Variants in TANGO6 observed in about 807,000 individuals in gnomAD.
TANGO6 encodes the protein transport and Golgi organization protein 6 homolog.
Under a neutral mutation model 114.2 loss-of-function variants are expected in TANGO6, and 90 were observed. The observed-to-expected ratio is 0.79, with a 90% CI of 0.66 to 0.94. The LOEUF (loss-of-function observed/expected upper bound fraction) is 0.94, where lower values mean the gene tolerates loss of function less well. Among genes scored for constraint, TANGO6 ranks in the 40% least tolerant of loss-of-function variants. The probability of loss-of-function intolerance (pLI) is 0.00; values close to 1 mark genes in which losing one functional copy is unlikely to be tolerated. For missense variants in TANGO6, 1,274 were observed against 1,315.3 expected (o/e 0.97, Z 0.49); for synonymous variants, 477 against 509.8 (o/e 0.94, Z 0.87).
chr16:69,063,319 T>G (rs1455150429), intron 17 of TANGO6, among the ~76,000 whole-genome samples: 4 of 147,084 alleles, frequency 2.7e-5, no homozygotes, highest in Admixed American at 6.7e-5. Context: ...AGGTCAGGAG[T>G]CAAGACCATC....
At chr16:69,047,791 A>C (rs1959886120) in intron 17 of TANGO6, among the ~76,000 whole-genome samples, 1 of 152,208 alleles carries the variant, frequency 6.6e-6, no homozygotes, top group Non-Finnish European at 1.5e-5. Context: ...ACATGGATTT[A>C]TAGTGGCTAA....
chr16:68,874,108 C>T (rs1397147289), intron 4 of TANGO6, among the ~76,000 whole-genome samples: 1 of 152,158 alleles, frequency 6.6e-6, no homozygotes, highest in Non-Finnish European at 1.5e-5. Context: ...TGGTATTTTC[C>T]TCACACATAC....
At chr16:68,895,980 ACTCTGTCACCCAGGCTGGAGTG>A in intron 7 of TANGO6, among the ~76,000 whole-genome samples, 1 of 150,298 alleles carries the variant, frequency 6.7e-6, no homozygotes, top group South Asian at 2.1e-4. Context: ...ACAGTGTCTC[ACTCTGTCACCCAGGCTGGAGTG>A]TCTCACTCTG....
chr16:68,967,794 G>A (rs1279623024), intron 14 of TANGO6, among the ~76,000 whole-genome samples: 1 of 152,142 alleles, frequency 6.6e-6, no homozygotes, highest in Admixed American at 6.5e-5. Context: ...GGTAGGAATG[G>A]CTTAGCAGTT....
chr16:68,953,396 T>C (rs935943902), intron 14 of TANGO6, among the ~76,000 whole-genome samples: 26 of 152,176 alleles, frequency 1.7e-4, no homozygotes, highest in Non-Finnish European at 3.2e-4. Context: ...CAGATATTTA[T>C]TGAGCACTGC....
At chr16:69,001,939 A>C (rs1964048280) in intron 15 of TANGO6, among the ~76,000 whole-genome samples, 1 of 152,182 alleles carries the variant, frequency 6.6e-6, no homozygotes, top group Non-Finnish European at 1.5e-5. Flanking sequence ...TGTCCTACCT[A>C]GCTGTTATAC....
chr16:68,869,708 A>G (rs905667945), intron 4 of TANGO6, among the ~76,000 whole-genome samples: 1 of 152,164 alleles, frequency 6.6e-6, no homozygotes, highest in African/African-American at 2.4e-5. Flanking sequence ...TTACTGCAAC[A>G]ACTTACCACA....
intron 1 of TANGO6, among the ~76,000 whole-genome samples, chr16:68,848,936 T>C (rs1267342872): frequency 6.6e-6 from 1 of 152,070 alleles, no homozygotes; most frequent in Non-Finnish European, 1.5e-5. Flanking sequence ...GCAGAAGATA[T>C]CCCAGGCTCA....
chr16:68,899,554 A>G (rs1962756214), intron 7 of TANGO6, among the ~76,000 whole-genome samples: 1 of 151,380 alleles, frequency 6.6e-6, no homozygotes, highest in South Asian at 2.1e-4. Flanking sequence ...ACATCCTCAC[A>G]CACTTAACCA....
At position 68,885,776 on chromosome 16, in the gene TANGO6, T is replaced by C. The variant is rs1309341130; in HGVS notation, c.1377+5146T>C. On this transcript the variant is annotated intron_variant, in intron 7 of 17. Transcript: ENST00000261778. ...ATATGGATATACCACATTTTACTTA[T>C]CTGTTCATCTGTTGATGGATATTTG... 5.9e-5 allele frequency: 9 copies of C among 152,372 alleles called. 1 individual carries two copies. Among genetic ancestry groups the C allele is most frequent in the Admixed American group, 5.2e-4 (8 of 15,300 alleles). The allele number at this position is 152,372 out of a possible 1,614,324, so 9.4% of individuals were successfully genotyped here.
intron 7 of TANGO6, among the ~76,000 whole-genome samples, chr16:68,881,562 T>C (rs1292994476): frequency 6.6e-6 from 1 of 152,140 alleles, no homozygotes; most frequent in Non-Finnish European, 1.5e-5. Flanking sequence ...TTCAATACTA[T>C]AGTCTTCCTA....
chr16:68,990,593 G>T (rs1217044599), intron 15 of TANGO6, among the ~76,000 whole-genome samples: 3 of 152,056 alleles, frequency 2.0e-5, no homozygotes, highest in African/African-American at 7.2e-5. Flanking sequence ...ATTTCGTAGA[G>T]ACAGGGTCTC....
chr16:68,857,770 A>G (rs974573578), intron 1 of TANGO6, among the ~76,000 whole-genome samples: 1 of 152,142 alleles, frequency 6.6e-6, no homozygotes, highest in African/African-American at 2.4e-5. Context: ...CTAATGACAT[A>G]TGATATTGGG....
At chr16:69,002,591 T>C (rs1356136799) in intron 15 of TANGO6, among the ~76,000 whole-genome samples, 1 of 152,158 alleles carries the variant, frequency 6.6e-6, no homozygotes, top group Non-Finnish European at 1.5e-5. Flanking sequence ...TCCACCATGA[T>C]TGTAAGTTTC....
chr16:68,901,844 A>G (rs545028157), intron 8 of TANGO6, among the ~76,000 whole-genome samples: 3 of 152,250 alleles, frequency 2.0e-5, no homozygotes, highest in Admixed American at 2.0e-4. Flanking sequence ...CTCATCAGAG[A>G]CTGACAAGGA....
At chr16:68,891,472 A>AAAAG (rs150126048) in intron 7 of TANGO6, among the ~76,000 whole-genome samples, 2 of 152,116 alleles carry the variant, frequency 1.3e-5, no homozygotes, top group Non-Finnish European at 2.9e-5. Context: ...GAATTCAAAA[A>AAAAG]AAAGAAAGAA....
intron 17 of TANGO6, among the ~76,000 whole-genome samples, chr16:69,070,800 T>G (rs1960288468): frequency 6.7e-6 from 1 of 150,362 alleles, no homozygotes; most frequent in Non-Finnish European, 1.5e-5. Flanking sequence ...TGAGACGGAA[T>G]TTCGCTCTGG....
chr16:68,882,785 A>G (rs1250974475), intron 7 of TANGO6, among the ~76,000 whole-genome samples: 4 of 151,994 alleles, frequency 2.6e-5, no homozygotes, highest in Admixed American at 1.3e-4. Context: ...TTGGGAGGCC[A>G]AGGCGGGCGG....
chr16:68,867,362 C>T, intron 4 of TANGO6, 142 bp downstream of exon 4: 2 of 1,058,548 alleles, frequency 1.9e-6, no homozygotes, highest in East Asian at 4.9e-5. Flanking sequence ...ACAGGTTAAA[C>T]TTAGAGGCCG....
Sources: allele counts gnomAD v4.1 joint callset (sites outside exome capture counted in the v4.1 genomes callset), GRCh38; gene constraint gnomAD v4.1.1; transcripts MANE v1.5; gene names NCBI Gene and HGNC (gene_info 2026-07-23, HGNC 2026-07-21).